Variants in KIAA0319 observed in about 807,000 individuals in gnomAD.
KIAA0319 encodes the protein KIAA0319, also known as dyslexia-associated protein KIAA0319.
A neutral mutation model predicts 108.4 loss-of-function variants in KIAA0319; 83 were observed. The ratio of observed to expected loss-of-function variants is 0.77; its 90% CI spans 0.64 to 0.92. The LOEUF (loss-of-function observed/expected upper bound fraction) is 0.92, where lower values mean the gene tolerates loss of function less well. Ranked by LOEUF, KIAA0319 falls within the 40% of genes least tolerant of loss-of-function variation. KIAA0319 has a pLI of 0.00. For missense variants in KIAA0319, 1,195 were observed against 1,322.4 expected, an observed-to-expected ratio of 0.90 and a Z score of 1.49; for synonymous variants, 484 against 510.4, an observed-to-expected ratio of 0.95 and a Z score of 0.70.
rs187468188 is a variant in KIAA0319 at position 24,628,652 on chromosome 6, C to A, written c.-106+17084G>T. 3.3e-5 allele frequency among the ~76,000 whole-genome samples: 5 copies of A among 152,268 alleles called. No individual in the cohort carries two copies. The East Asian group carries it at 9.6e-4, about 29-fold the overall frequency. On this transcript the variant is annotated intron_variant, in intron 1 of 20. Transcript: ENST00000378214. ...AAATGTTTTGTAGTCTCCCACAGTT[C>A]TGGAAGCTGGAAGTTGGAAATCAAC...
rs71542684 is a variant in KIAA0319 at position 24,553,340 on chromosome 6, C to CATATAT, written c.2948+1195_2948+1200dup. On this transcript the variant is annotated intron_variant, in intron 19 of 20. Coordinates refer to ENST00000378214, the MANE Select transcript of KIAA0319 (RefSeq NM_014809.4). Reference sequence around the variant, plus strand: ...ACACACACACACACACACACACGCACATATATATATATATATATCTGTATG... The same window carrying CATATAT: ...ACACACACACACACACACACACGCACATATATATATATATATATATATATCTGTATG... Among the ~76,000 whole-genome samples, 278 of 125,556 alleles carry CATATAT rather than the reference C, an allele frequency of 2.2e-3. 1 individual carries two copies. Among genetic ancestry groups the CATATAT allele is most frequent in the Middle Eastern group, 7.8e-3 (2 of 258 alleles). The allele number at this position is 125,556 out of a possible 152,430, so 82.4% of individuals were successfully genotyped here.
At chr6:24,624,017 C>CT (rs536970883) in intron 1 of KIAA0319, among the ~76,000 whole-genome samples, 538 of 50,536 alleles carry the variant, frequency 0.011, 42 homozygotes, top group African/African-American at 0.037. Context: ...TCTTTGTTTT[C>CT]TTTTTTTTTT....
At position 24,556,704 on chromosome 6, in the gene KIAA0319, A is replaced by T. The variant is rs1762340970; in HGVS notation, c.2760T>A (p.His920Gln). 1 of 1,613,970 alleles carries T rather than the reference A, an allele frequency of 6.2e-7. No individual in the cohort carries two copies. The highest frequency in any genetic ancestry group is 8.5e-7 in the Non-Finnish European group (1 of 1,179,970). Reference sequence around the variant, plus strand: ...GCTTTGTGAGGGGGTCGCAGTGACCATGGCCAGAACACTTCAGAAGGCAAC... The same window carrying T: ...GCTTTGTGAGGGGGTCGCAGTGACCTTGGCCAGAACACTTCAGAAGGCAAC... ...TAGCLLKCSGHGHCDPLTKRC... is the reference protein window; with the variant it reads ...TAGCLLKCSGQGHCDPLTKRC... The change falls in exon 18 of 21, where the codon CAT becomes CAA. Residue 920 changes from histidine to glutamine, a missense_variant. His to Gln is a conservative substitution (Grantham distance 24). Transcript: ENST00000378214.
chr6:24,628,113 T>C (rs1220042335), intron 1 of KIAA0319, among the ~76,000 whole-genome samples: 1 of 152,190 alleles, frequency 6.6e-6, no homozygotes, highest in Non-Finnish European at 1.5e-5. Context: ...ACATGGGCAA[T>C]AAAAACATCC....
rs770523885 is a variant in KIAA0319, at chr6:24,547,371, G to A, written c.3041-28C>T. The A allele has an allele frequency of 3.8e-6, 6 of 1,597,078 alleles. No homozygotes were observed. The African/African-American group carries it at 6.7e-5, about 18-fold the overall frequency. On this transcript the variant is annotated intron_variant, in intron 20 of 20. Coordinates refer to ENST00000378214, the MANE Select transcript of KIAA0319 (RefSeq NM_014809.4). ...AGAGAGAAGCACAGAAGCATCTGAG[G>A]AGGAACGCCGTGATTCACTTCCAGC...
At chr6:24,580,259 C>T (rs1310727115) in intron 7 of KIAA0319, among the ~76,000 whole-genome samples, 2 of 152,162 alleles carry the variant, frequency 1.3e-5, no homozygotes, top group Non-Finnish European at 2.9e-5. Context: ...GAAGGGATTA[C>T]AGTTCCAGCT....
chr6:24,565,209 C>T (rs1763724742), intron 14 of KIAA0319, among the ~76,000 whole-genome samples: 1 of 151,396 alleles, frequency 6.6e-6, no homozygotes. Context: ...GCCTAGATCG[C>T]ACCACTAAAC....
At position 24,554,566 on chromosome 6, in the gene KIAA0319, A is replaced by C. The variant is rs1232409241; in HGVS notation, c.2923T>G (p.Trp975Gly). The C allele has an allele frequency of 6.2e-7, 1 of 1,613,994 alleles. No individual in the cohort carries two copies. Among genetic ancestry groups the C allele is most frequent in the Non-Finnish European group, 8.5e-7 (1 of 1,179,892 alleles). Residue 975 changes from tryptophan to glycine, a missense_variant, in exon 19 of 21, where the codon TGG becomes GGG. Trp to Gly is a radical substitution (Grantham distance 184). Transcript: ENST00000378214. ...TLIVLTGGFTWLCICCCKRQK... is the reference protein window; with the variant it reads ...TLIVLTGGFTGLCICCCKRQK... ...CTTTTGCAGCAGCAGATGCAAAGCCAAGTGAAACCTCCTGTTAGCACAATA... is the reference window on the plus strand; with the variant it reads ...CTTTTGCAGCAGCAGATGCAAAGCCCAGTGAAACCTCCTGTTAGCACAATA...
At chr6:24,624,012 G>GTTTTC (rs1554179501) in intron 1 of KIAA0319, among the ~76,000 whole-genome samples, 2,908 of 53,224 alleles carry the variant, frequency 0.055, 344 homozygotes, top group Non-Finnish European at 0.073. Flanking sequence ...GAATTTCTTT[G>GTTTTC]TTTTCTTTTT....
chr6:24,598,409 T>C lies in KIAA0319; in HGVS notation c.56-1791A>G. 6 of 601,408 alleles carry C rather than the reference T, an allele frequency of 1.0e-5. No individual in the cohort carries two copies. In the Admixed American group the frequency reaches 1.1e-4, roughly 11 times the overall value. 37.3% of individuals were successfully genotyped at this position (601,408 alleles called of 1,614,324 possible). ...GTGCTGGAGACCAACTGGAGCCTCCTGCAGCAGCAGAAGACAGTTTGGATG... is the reference window on the plus strand; with the variant it reads ...GTGCTGGAGACCAACTGGAGCCTCCCGCAGCAGCAGAAGACAGTTTGGATG... On this transcript the variant is annotated intron_variant, in intron 2 of 20. Coordinates refer to ENST00000378214, the MANE Select transcript of KIAA0319 (RefSeq NM_014809.4).
At chr6:24,575,865 A>C (rs1055504714) in intron 10 of KIAA0319, among the ~76,000 whole-genome samples, 2 of 152,196 alleles carry the variant, frequency 1.3e-5, no homozygotes, top group African/African-American at 4.8e-5. Context: ...CAGCTCACAC[A>C]CACAACAGAA....
At chr6:24,625,040 G>C (rs1269124149) in intron 1 of KIAA0319, among the ~76,000 whole-genome samples, 1 of 152,130 alleles carries the variant, frequency 6.6e-6, no homozygotes, top group African/African-American at 2.4e-5. Flanking sequence ...ATGCCAGCAT[G>C]GGCAACAGAA....
At chr6:24,550,063 A>G (rs913497339) in intron 20 of KIAA0319, among the ~76,000 whole-genome samples, 4 of 152,214 alleles carry the variant, frequency 2.6e-5, no homozygotes, top group Non-Finnish European at 4.4e-5. Context: ...ATATTATGCA[A>G]TGCAAATGGT....
chr6:24,607,286 G>T (rs1222025352), intron 1 of KIAA0319, among the ~76,000 whole-genome samples: 1 of 152,086 alleles, frequency 6.6e-6, no homozygotes, highest in African/African-American at 2.4e-5. Flanking sequence ...AATCCGGGAG[G>T]TGGAGGTTGC....
chr6:24,570,696 G>A (rs781718084), intron 11 of KIAA0319, among the ~76,000 whole-genome samples: 101 of 149,654 alleles, frequency 6.7e-4, no homozygotes, highest in Middle Eastern at 6.8e-3. Flanking sequence ...AAGGGAGGGA[G>A]GAAGAGAGAG....
At chr6:24,612,055 A>C (rs1772409104) in intron 1 of KIAA0319, among the ~76,000 whole-genome samples, 4 of 148,372 alleles carry the variant, frequency 2.7e-5, no homozygotes, top group Admixed American at 1.3e-4. Context: ...TTCAAAAAAA[A>C]AAAAAAGAAA....
At chr6:24,560,211 T>C (rs1254821106) in intron 16 of KIAA0319, among the ~76,000 whole-genome samples, 1 of 152,244 alleles carries the variant, frequency 6.6e-6, no homozygotes, top group Non-Finnish European at 1.5e-5. Flanking sequence ...TTTTATTGAG[T>C]ATATACCTAG....
intron 1 of KIAA0319, among the ~76,000 whole-genome samples, chr6:24,643,779 G>A (rs1292878234): frequency 6.6e-6 from 1 of 152,208 alleles, no homozygotes; most frequent in Non-Finnish European, 1.5e-5. Flanking sequence ...GCCAGGCAAT[G>A]AGCAAAGATC....
intron 1 of KIAA0319, among the ~76,000 whole-genome samples, chr6:24,638,927 A>C (rs1224999229): frequency 6.6e-6 from 1 of 152,168 alleles, no homozygotes; most frequent in Non-Finnish European, 1.5e-5. Context: ...ATCAAACACA[A>C]ACAAACAAAG....
Sources: allele counts gnomAD v4.1 joint callset (sites outside exome capture counted in the v4.1 genomes callset), GRCh38; gene constraint gnomAD v4.1.1; transcripts MANE v1.5; gene names NCBI Gene and HGNC (gene_info 2026-07-23, HGNC 2026-07-21).